Variants in ASPSCR1 observed in about 807,000 individuals in gnomAD.
The protein encoded by ASPSCR1 is tether containing UBX domain for GLUT4.
A neutral mutation model predicts 68.9 loss-of-function variants in ASPSCR1; 55 were observed. The observed-to-expected ratio is 0.80, with a 90% confidence interval of 0.64 to 1.00. The LOEUF is 1.00. Ranked by LOEUF, ASPSCR1 falls within the 50% of genes least tolerant of loss-of-function variation. ASPSCR1 has a pLI of 0.00. For missense variants in ASPSCR1, 765 were observed against 762.2 expected, an observed-to-expected ratio of 1.00 and a Z score of -0.04; for synonymous variants, 352 against 332.6, an observed-to-expected ratio of 1.06 and a Z score of -0.63.
At chr17:81,980,691 G>A (rs962269422) in intron 2 of ASPSCR1, among the ~76,000 whole-genome samples, 1 of 152,214 alleles carries the variant, frequency 6.6e-6, no homozygotes, top group Non-Finnish European at 1.5e-5. Context: ...GAATAAGACA[G>A]GGATTTACAC....
In ASPSCR1 at chr17:81,983,587, G is replaced by A. The variant is rs542273969; in HGVS notation, c.192G>A (p.Gln64=). 3 of 1,613,628 alleles carry A rather than the reference G, an allele frequency of 1.9e-6. No homozygotes were observed. In the South Asian group the frequency reaches 3.3e-5, roughly 18 times the overall value. Residue 64 remains glutamine, a synonymous_variant, in exon 3 of 16, where the codon CAG becomes CAA. Transcript: ENST00000306739. The surrounding 1 kb of genome is among the most constrained non-coding windows in gnomAD (Gnocchi z 4.4). ...FQRSVLDLSL[Q]WRFANLPNNA... is the part of the protein sequence containing the mutation. Reference sequence around the variant, plus strand: ...GGAGCGTGCTCGACCTTTCTCTCCAGTGGAGATTTGCCAACCTGCCCAACA... The same window carrying A: ...GGAGCGTGCTCGACCTTTCTCTCCAATGGAGATTTGCCAACCTGCCCAACA...
Position 81,983,386 on chromosome 17 carries a change from T to C in ASPSCR1, c.159-168T>C, listed in dbSNP as rs1337616420. On this transcript the variant is annotated intron_variant, in intron 2 of 15. Transcript: ENST00000306739. This position sits in a 1 kb window ranked among gnomAD's most constrained non-coding sequence, Gnocchi z 4.4. The stretch of plus-strand genomic sequence containing the variant: ...GGCCCCATATGATCGGGGACCCGCC[T>C]TGTGCCTCTGCAGGTCATGACGTCC... Among the ~76,000 whole-genome samples, 2 of 152,034 alleles carry C rather than the reference T, an allele frequency of 1.3e-5. No homozygotes were observed. The highest frequency in any genetic ancestry group is 1.3e-4 in the Admixed American group (2 of 15,260).
At position 82,017,305 on chromosome 17, in the gene ASPSCR1, ACAGC is replaced by A; in HGVS notation, c.1650_1653del (p.Ser551ArgfsTer?). On this transcript the variant is annotated splice_acceptor_variant and splice_polypyrimidine_tract_variant and coding_sequence_variant and intron_variant, in exon 16 of 16. Coordinates refer to ENST00000306739, the MANE Select transcript of ASPSCR1 (RefSeq NM_024083.4). LOFTEE classifies it high-confidence loss of function. ...GTGGTCACCCTGATGTGTCTGCACT[ACAGC>A]CAGCAAGAGGTGAGAGCTGCCAGCC... is the stretch of plus-strand genomic sequence containing the variant. 6.2e-7 allele frequency: 1 copy of A among 1,611,502 alleles called. No homozygotes were observed. Among genetic ancestry groups the A allele is most frequent in the Non-Finnish European group, 8.5e-7 (1 of 1,179,928 alleles).
chr17:81,996,097 T>C (rs1188920858), intron 6 of ASPSCR1, 32 bp downstream of exon 6: 1 of 1,554,354 alleles, frequency 6.4e-7, no homozygotes, highest in South Asian at 1.2e-5. Context: ...CCGAGGAGTC[T>C]ATTTAGCTAA....
At position 81,988,397 on chromosome 17, in the gene ASPSCR1, G is replaced by A. The variant is rs575543979; in HGVS notation, c.374+2790G>A. Among the ~76,000 whole-genome samples, 252 of 151,706 alleles carry A rather than the reference G, an allele frequency of 1.7e-3. 1 individual carries two copies. Among genetic ancestry groups the A allele is most frequent in the Middle Eastern group, 6.8e-3 (2 of 294 alleles). Reference sequence around the variant, plus strand: ...TTGAACCCGGGAGGCGGAGGTTGTAGTGAGCTGAGATTGCGCCACTGCACT... The same window carrying A: ...TTGAACCCGGGAGGCGGAGGTTGTAATGAGCTGAGATTGCGCCACTGCACT... On this transcript the variant is annotated intron_variant, in intron 4 of 15. Transcript: ENST00000306739.
intron 4 of ASPSCR1, among the ~76,000 whole-genome samples, chr17:81,993,277 G>A (rs867104164): frequency 2.6e-5 from 4 of 152,002 alleles, no homozygotes; most frequent in African/African-American, 2.4e-5. Flanking sequence ...GCAGTGGCGC[G>A]ATCTCGGCTC....
intron 8 of ASPSCR1, 51 bp downstream of exon 8, chr17:82,009,242 A>G (rs764993519): frequency 3.3e-6 from 5 of 1,534,002 alleles, no homozygotes; most frequent in Non-Finnish European, 4.4e-6. Context: ...GGTTTGCCCC[A>G]TCGGGTGCTT....
intron 1 of ASPSCR1, chr17:81,978,862 G>C (rs1412476106): frequency 2.4e-6 from 1 of 415,784 alleles, no homozygotes; most frequent in Admixed American, 4.0e-5. Flanking sequence ...TTTAAGGCAG[G>C]TTGCAGAACT....
chr17:82,002,702 C>T (rs535381226), intron 7 of ASPSCR1, among the ~76,000 whole-genome samples: 16 of 150,700 alleles, frequency 1.1e-4, no homozygotes, highest in Non-Finnish European at 2.2e-4. Context: ...AGCTAAGAGG[C>T]GCCTGCCACC....
intron 3 of ASPSCR1, among the ~76,000 whole-genome samples, chr17:81,985,207 CCTGCACACAA>C (rs994401099): frequency 6.6e-5 from 10 of 150,508 alleles, no homozygotes; most frequent in African/African-American, 2.0e-4. Flanking sequence ...CACACACATA[CCTGCACACAA>C]CTGCACACCC....
intron 4 of ASPSCR1, among the ~76,000 whole-genome samples, chr17:81,988,745 G>A (rs998928742): frequency 2.0e-5 from 3 of 152,170 alleles, no homozygotes; most frequent in Admixed American, 6.5e-5. Flanking sequence ...ATGCTCTTCC[G>A]TCGTGTGGGT....
intron 4 of ASPSCR1, among the ~76,000 whole-genome samples, chr17:81,991,604 C>T (rs1567965235): frequency 6.6e-6 from 1 of 152,180 alleles, no homozygotes; most frequent in Admixed American, 6.5e-5. Flanking sequence ...CATTCCTGTC[C>T]ATCCCTGTCC....
Position 81,981,709 on chromosome 17 carries a change from C to T in ASPSCR1, c.159-1845C>T, listed in dbSNP as rs1255518010. ...TCTGAAACAGAGTCTTGCTCTGTCACCTAGGCTGGAGGGCAGTGGCATGAT... is the reference window on the plus strand; with the variant it reads ...TCTGAAACAGAGTCTTGCTCTGTCATCTAGGCTGGAGGGCAGTGGCATGAT... On this transcript the variant is annotated intron_variant, in intron 2 of 15. Transcript: ENST00000306739. Among the ~76,000 whole-genome samples, 3 of 152,254 alleles carry T rather than the reference C, an allele frequency of 2.0e-5. No homozygotes were observed. In the East Asian group the frequency reaches 5.8e-4, roughly 29 times the overall value.
chr17:82,013,750 A>G, intron 12 of ASPSCR1: 1 of 153,660 alleles, frequency 6.5e-6, no homozygotes, highest in Non-Finnish European at 1.4e-5. Context: ...GAGGGCTGGG[A>G]GGAGGCGGCC....
chr17:82,004,987 C>G (rs530834760), intron 7 of ASPSCR1: 2 of 152,390 alleles, frequency 1.3e-5, no homozygotes, highest in Admixed American at 1.3e-4. Context: ...TGCCCGGGGC[C>G]GGGGGTCTGG....
At position 81,979,197 on chromosome 17, in the gene ASPSCR1, C is replaced by T. The variant is rs2041715603; in HGVS notation, c.116C>T (p.Thr39Met). Residue 39 changes from threonine to methionine, a missense_variant, in exon 2 of 16, where the codon ACG (threonine) becomes ATG (methionine). Coordinates refer to ENST00000306739, the MANE Select transcript of ASPSCR1 (RefSeq NM_024083.4). ...TCTCACCCCCAGGTTCTGGAGGACA[C>T]GTGCCGGCGGCAGGACTTCAACCCC... The part of the protein sequence containing the change: ...STVLLQVLED[T>M]CRRQDFNPCE... 6.2e-7 allele frequency: 1 copy of T among 1,614,086 alleles called. No individual in the cohort carries two copies. Among genetic ancestry groups the T allele is most frequent in the Non-Finnish European group, 8.5e-7 (1 of 1,179,982 alleles).
chr17:82,005,595 C>A (rs1598422595), intron 7 of ASPSCR1: 1 of 152,144 alleles, frequency 6.6e-6, no homozygotes, highest in African/African-American at 2.4e-5. Context: ...AGGTTGGGGC[C>A]CCCTGCACTG....
intron 7 of ASPSCR1, among the ~76,000 whole-genome samples, chr17:81,997,194 G>T (rs1044232814): frequency 6.6e-6 from 1 of 152,202 alleles, no homozygotes; most frequent in African/African-American, 2.4e-5. Flanking sequence ...TGTTGGCTCC[G>T]TGATGTGTGG....
intron 7 of ASPSCR1, among the ~76,000 whole-genome samples, chr17:82,003,717 T>C (rs893645452): frequency 1.3e-5 from 2 of 152,250 alleles, no homozygotes; most frequent in Non-Finnish European, 2.9e-5. Context: ...GCGTCCTTTG[T>C]GCATGCCTGT....
Sources: gnomAD v4.1 joint callset for allele counts (sites outside exome capture counted in the v4.1 genomes callset) on GRCh38, gnomAD v4.1.1 for gene constraint, Gnocchi (gnomAD v3.1) non-coding constraint, MANE v1.5 for transcripts, NCBI Gene and HGNC (gene_info 2026-07-23, HGNC 2026-07-21) for gene names.